Variants in SLC44A1 observed in about 807,000 individuals in gnomAD.
The protein encoded by SLC44A1 is choline transporter-like protein 1.
SLC44A1 carries 26 observed loss-of-function variants against 79.3 expected under a neutral mutation model. That is an observed-to-expected ratio of 0.33 (90% CI 0.24 to 0.46). The LOEUF is 0.46. SLC44A1 is among the 20% of genes least tolerant of loss of function. The probability of loss-of-function intolerance (pLI) is 1.00; values close to 1 mark genes in which losing one functional copy is unlikely to be tolerated. For missense variants in SLC44A1, 688 were observed against 798.1 expected, an observed-to-expected ratio of 0.86 and a Z score of 1.66; for synonymous variants, 263 against 286.2, an observed-to-expected ratio of 0.92 and a Z score of 0.82.
At chr9:105,387,190 T>G (rs896529293) in intron 15 of SLC44A1, among the ~76,000 whole-genome samples, 1 of 151,060 alleles carries the variant, frequency 6.6e-6, no homozygotes, top group African/African-American at 2.4e-5. Flanking sequence ...AGTTAAAGCC[T>G]CAATAAAATA....
intron 3 of SLC44A1, among the ~76,000 whole-genome samples, chr9:105,317,904 G>A (rs779644641): frequency 3.5e-4 from 53 of 152,140 alleles, no homozygotes; most frequent in Non-Finnish European, 5.0e-4. Flanking sequence ...TTAGGGATAC[G>A]TTTAAACAAA....
chr9:105,436,269 C>G (rs914219830), intron 15 of SLC44A1, among the ~76,000 whole-genome samples: 1 of 152,126 alleles, frequency 6.6e-6, no homozygotes, highest in Non-Finnish European at 1.5e-5. Flanking sequence ...TAACATCAGA[C>G]AAATCACAAC....
At chr9:105,409,701 A>G (rs753202543) in intron 15 of SLC44A1, among the ~76,000 whole-genome samples, 15 of 152,206 alleles carry the variant, frequency 9.9e-5, no homozygotes, top group Non-Finnish European at 2.9e-5. Context: ...ATCTAATAAG[A>G]GAATCCACAG....
chr9:105,370,420 A>G (rs1340723377), intron 12 of SLC44A1, among the ~76,000 whole-genome samples: 1 of 152,172 alleles, frequency 6.6e-6, no homozygotes, highest in Non-Finnish European at 1.5e-5. Flanking sequence ...ATCCATAGAA[A>G]TATTGCCTTT....
chr9:105,334,605 T>C (rs1413681087), intron 3 of SLC44A1, among the ~76,000 whole-genome samples: 3 of 152,210 alleles, frequency 2.0e-5, no homozygotes, highest in Admixed American at 6.5e-5. Context: ...AGATTCATTT[T>C]AGGTGGAAGC....
intron 1 of SLC44A1, among the ~76,000 whole-genome samples, chr9:105,265,851 T>A (rs1829949309): frequency 6.6e-6 from 1 of 152,216 alleles, no homozygotes; most frequent in African/African-American, 2.4e-5. Flanking sequence ...TAATTTGCAT[T>A]TTCCTAGTGA....
chr9:105,366,334 TC>T lies in SLC44A1; in HGVS notation c.1411-7del. 3.5e-6 allele frequency: 5 copies of T among 1,430,922 alleles called. No individual in the cohort carries two copies. Among genetic ancestry groups the T allele is most frequent in the Non-Finnish European group, 2.8e-6 (3 of 1,075,532 alleles). 88.6% of individuals were successfully genotyped at this position (1,430,922 alleles called of 1,614,324 possible). On this transcript the variant is annotated splice_polypyrimidine_tract_variant and intron_variant, in intron 11 of 15. Coordinates refer to ENST00000374720, the MANE Select transcript of SLC44A1 (RefSeq NM_080546.5). ...TTGGTTTTTTTATTATTTCCATTTT[TC>T]CCCCATCCAGGAAAATGCTTGTGCA...
In SLC44A1 at chr9:105,326,609, G is replaced by A. The variant is rs149213958; in HGVS notation, c.270-8954G>A. The stretch of plus-strand genomic sequence containing the variant: ...TCGTCATCTTGCTTTTTACTCTTAC[G>A]AGGCCTTTGACAATCTATTCGAAAC... On this transcript the variant is annotated intron_variant, in intron 3 of 15. Transcript: ENST00000374720. Among the ~76,000 whole-genome samples the A allele has an allele frequency of 1.8e-3, 275 of 152,104 alleles. 1 individual carries two copies. In the Middle Eastern group the frequency reaches 0.034, roughly 19 times the overall value.
chr9:105,292,430 A>C (rs1274939913), intron 1 of SLC44A1, among the ~76,000 whole-genome samples: 1 of 152,234 alleles, frequency 6.6e-6, no homozygotes, highest in East Asian at 1.9e-4. Context: ...TGTGTAAAAA[A>C]ATCTTGAAAT....
At chr9:105,380,821 A>C (rs541380127) in intron 13 of SLC44A1, among the ~76,000 whole-genome samples, 223 of 152,284 alleles carry the variant, frequency 1.5e-3, no homozygotes, top group African/African-American at 5.3e-3. Flanking sequence ...TTTTAAATGC[A>C]AACTACTGGG....
Position 105,433,120 on chromosome 9 carries a change from A to G in SLC44A1, c.1951-5161A>G, listed in dbSNP as rs151186347. Among the ~76,000 whole-genome samples, 1,174 of 152,070 alleles carry G rather than the reference A, an allele frequency of 7.7e-3. 31 individuals carry two copies. The East Asian group carries it at 0.095, about 12-fold the overall frequency. ...AGACCAGCCTGGCCAACATGGAGAA[A>G]CCCTGTCTCTACTAAAAATACAAAA... On this transcript the variant is annotated intron_variant, in intron 15 of 15. Transcript: ENST00000374724.
chr9:105,410,417 C>T (rs1829079926), intron 15 of SLC44A1, among the ~76,000 whole-genome samples: 1 of 152,130 alleles, frequency 6.6e-6, no homozygotes, highest in South Asian at 2.1e-4. Context: ...GAGCAAAGGA[C>T]TTGAAGAGCT....
intron 1 of SLC44A1, among the ~76,000 whole-genome samples, chr9:105,283,363 C>G (rs1056499854): frequency 1.3e-5 from 2 of 152,166 alleles, no homozygotes; most frequent in African/African-American, 2.4e-5. Flanking sequence ...ATGGGAAGTA[C>G]TTGGTGTGGT....
At position 105,390,393 on chromosome 9, in the gene SLC44A1, AT is replaced by A; in HGVS notation, c.*1343del. On this transcript the variant is annotated 3_prime_UTR_variant, in exon 16 of 16. Transcript: ENST00000374720. ...ATGTAAAGTAAATATTTCAGAGCAA[AT>A]TTTTTAAACTTATTGCACTAAATAC... is the stretch of plus-strand genomic sequence containing the variant. 1.1e-6 allele frequency: 1 copy of A among 916,954 alleles called. No individual in the cohort carries two copies. Among genetic ancestry groups the A allele is most frequent in the African/African-American group, 2.2e-5 (1 of 45,026 alleles). The allele number at this position is 916,954 out of a possible 1,614,324, so 56.8% of individuals were successfully genotyped here. A position where few individuals can be genotyped will look rare whatever the true frequency, so the allele number is the denominator to read the frequency against.
chr9:105,323,992 CTTTTTG>C (rs371832925), intron 3 of SLC44A1, among the ~76,000 whole-genome samples: 32 of 151,890 alleles, frequency 2.1e-4, no homozygotes, highest in Non-Finnish European at 3.4e-4. Flanking sequence ...CTCCCAAGTG[CTTTTTG>C]TTTTTGTTTT....
intron 4 of SLC44A1, among the ~76,000 whole-genome samples, chr9:105,337,945 T>C (rs1399708007): frequency 5.3e-5 from 8 of 152,254 alleles, no homozygotes; most frequent in Non-Finnish European, 1.2e-4. Context: ...TTTGTATTTC[T>C]CACTGTGTCT....
chr9:105,365,470 AT>A lies in SLC44A1; in HGVS notation c.1254-7del. ...CTTTGTTTTAATTGTCTTTTTGGTC[AT>A]TTTTTAAATAGGGATAAAAGGAATT... On this transcript the variant is annotated splice_polypyrimidine_tract_variant and intron_variant, in intron 10 of 15. Transcript: ENST00000374720. The A allele has an allele frequency of 1.2e-6, 2 of 1,604,596 alleles. No homozygotes were observed. Among genetic ancestry groups the A allele is most frequent in the Non-Finnish European group, 1.7e-6 (2 of 1,173,864 alleles).
At chr9:105,388,682 A>G (rs1828689632) in intron 15 of SLC44A1, among the ~76,000 whole-genome samples, 1 of 152,226 alleles carries the variant, frequency 6.6e-6, no homozygotes, top group African/African-American at 2.4e-5. Context: ...TCTGAAAGTG[A>G]TTTTGGAAAA....
chr9:105,267,998 G>A (rs778228085), intron 1 of SLC44A1, among the ~76,000 whole-genome samples: 7 of 152,114 alleles, frequency 4.6e-5, no homozygotes, highest in Non-Finnish European at 7.3e-5. Flanking sequence ...GGCTGCCAGA[G>A]TCCTGGGACT....
Sources: allele counts gnomAD v4.1 joint callset (sites outside exome capture counted in the v4.1 genomes callset), GRCh38; gene constraint gnomAD v4.1.1; transcripts MANE v1.5; gene names NCBI Gene and HGNC (gene_info 2026-07-23, HGNC 2026-07-21).